NCALD: variants seen among roughly 807,000 people sequenced by gnomAD.
NCALD encodes neurocalcin-delta.
Under a neutral mutation model 18.6 loss-of-function variants are expected in NCALD, and 10 were observed. The observed-to-expected ratio is 0.54, with a 90% CI of 0.33 to 0.91. The LOEUF (loss-of-function observed/expected upper bound fraction) is 0.91, where lower values mean the gene tolerates loss of function less well. NCALD is among the 40% of genes least tolerant of loss of function. The pLI is 0.03. For missense variants in NCALD, 184 were observed against 247.6 expected (o/e 0.74, Z 1.72); for synonymous variants, 88 against 87.4 (o/e 1.01, Z -0.04).
At position 101,688,447 on chromosome 8, in the gene NCALD, T is replaced by C; in HGVS notation, c.*862A>G. The C allele has an allele frequency of 3.4e-6, 1 of 291,982 alleles. No individual in the cohort carries two copies. Among genetic ancestry groups the C allele is most frequent in the Non-Finnish European group, 6.8e-6 (1 of 146,190 alleles). 18.1% of individuals were successfully genotyped at this position (291,982 alleles called of 1,614,324 possible). On this transcript the variant is annotated 3_prime_UTR_variant, in exon 4 of 4. Coordinates refer to ENST00000220931, the MANE Select transcript of NCALD (RefSeq NM_032041.3). ...AGACAGACATTCATTATAGTTGTCT[T>C]ACTTCACAATAAGCTACTAAAAACA...
At chr8:101,760,802 A>G (rs1281469073) in intron 1 of NCALD, among the ~76,000 whole-genome samples, 1 of 152,220 alleles carries the variant, frequency 6.6e-6, no homozygotes, top group African/African-American at 2.4e-5. Context: ...ATATAATAAC[A>G]GCACCCCTTA....
At chr8:102,026,245 A>T (rs966802005) in intron 1 of NCALD, among the ~76,000 whole-genome samples, 17 of 152,202 alleles carry the variant, frequency 1.1e-4, no homozygotes, top group Admixed American at 6.5e-4. Flanking sequence ...CAAAAGTCTC[A>T]ATTCATTCTA....
intron 3 of NCALD, chr8:101,690,196 G>A (rs1170987006): frequency 1.0e-6 from 1 of 972,810 alleles, no homozygotes; most frequent in Non-Finnish European, 1.2e-6. Context: ...CTTGTGGAGA[G>A]GAGGGGAGGG....
At chr8:102,024,576 C>T (rs1822389564) in intron 1 of NCALD, among the ~76,000 whole-genome samples, 2 of 152,140 alleles carry the variant, frequency 1.3e-5, no homozygotes. Flanking sequence ...ATCACATAGC[C>T]AGGAGCCTGA....
At chr8:101,893,006 C>T (rs1816974642) in intron 3 of NCALD, among the ~76,000 whole-genome samples, 1 of 148,844 alleles carries the variant, frequency 6.7e-6, no homozygotes, top group Non-Finnish European at 1.5e-5. Flanking sequence ...TCAGGAAATA[C>T]AGAGAACGCC....
rs1160344263 is a variant in NCALD at position 101,687,788 on chromosome 8, A to G, written c.*1521T>C. On this transcript the variant is annotated 3_prime_UTR_variant, in exon 4 of 4. Coordinates refer to ENST00000220931, the MANE Select transcript of NCALD (RefSeq NM_032041.3). ...GCAAGAGTATGACTCGCCTGTAACC[A>G]GCAAATTTTTACTCTTAGCTTTCAA... is the stretch of plus-strand genomic sequence containing the variant. The G allele has an allele frequency of 1.3e-5, 2 of 152,220 alleles. No homozygotes were observed. Among genetic ancestry groups the G allele is most frequent in the African/African-American group, 4.8e-5 (2 of 41,458 alleles). 9.4% of individuals were successfully genotyped at this position (152,220 alleles called of 1,614,324 possible).
intron 2 of NCALD, among the ~76,000 whole-genome samples, chr8:101,950,897 C>G (rs1276037130): frequency 6.6e-6 from 1 of 152,174 alleles, no homozygotes; most frequent in African/African-American, 2.4e-5. Flanking sequence ...GTTATTTGTT[C>G]CACAGCAGAG....
chr8:101,899,643 T>C (rs1213221566), intron 3 of NCALD, among the ~76,000 whole-genome samples: 1 of 151,936 alleles, frequency 6.6e-6, no homozygotes. Flanking sequence ...AGTATGATTG[T>C]GATTTTTTCT....
At chr8:101,765,252 A>G (rs1378993735) in intron 1 of NCALD, among the ~76,000 whole-genome samples, 1 of 152,214 alleles carries the variant, frequency 6.6e-6, no homozygotes, top group African/African-American at 2.4e-5. Context: ...GGGAGTGAAA[A>G]GAAGTCCTGT....
chr8:101,922,655 T>C (rs1818207561), intron 2 of NCALD, among the ~76,000 whole-genome samples: 7 of 152,222 alleles, frequency 4.6e-5, no homozygotes, highest in Admixed American at 4.6e-4. Context: ...TGTTGAAACG[T>C]AGTATCTCCA....
At chr8:101,880,842 C>T (rs1816465350) in intron 4 of NCALD, among the ~76,000 whole-genome samples, 1 of 152,138 alleles carries the variant, frequency 6.6e-6, no homozygotes, top group Non-Finnish European at 1.5e-5. Context: ...CCACCTCCTT[C>T]ATTATGGCTG....
At chr8:101,701,159 C>A (rs1338332356) in intron 2 of NCALD, among the ~76,000 whole-genome samples, 1 of 152,124 alleles carries the variant, frequency 6.6e-6, no homozygotes, top group Non-Finnish European at 1.5e-5. Context: ...TTGCTCCCTT[C>A]CCACGGCATC....
At chr8:101,772,163 C>A (rs2130901616) in intron 1 of NCALD, among the ~76,000 whole-genome samples, 1 of 152,294 alleles carries the variant, frequency 6.6e-6, no homozygotes, top group South Asian at 2.1e-4. Flanking sequence ...AAGAAGGGTC[C>A]CATGGTCAAA....
intron 1 of NCALD, among the ~76,000 whole-genome samples, chr8:102,053,717 A>G (rs10282780): frequency 0.14 from 21,398 of 152,230 alleles, 1,787 homozygotes; most frequent in Non-Finnish European, 0.19. Context: ...TAGGATTTCA[A>G]TGGCCTCTCA....
intron 2 of NCALD, among the ~76,000 whole-genome samples, chr8:101,699,981 C>A (rs1815179736): frequency 6.6e-6 from 1 of 152,092 alleles, no homozygotes; most frequent in African/African-American, 2.4e-5. Flanking sequence ...CCACTATGAG[C>A]TAAGCAGTGG....
chr8:102,024,845 C>T (rs112725601), intron 1 of NCALD, among the ~76,000 whole-genome samples: 27 of 152,288 alleles, frequency 1.8e-4, no homozygotes, highest in African/African-American at 6.3e-4. Context: ...TTCAGTGGCT[C>T]CCTGCTGCTT....
At chr8:102,070,278 A>C (rs1217739217) in intron 1 of NCALD, among the ~76,000 whole-genome samples, 1 of 152,196 alleles carries the variant, frequency 6.6e-6, no homozygotes, top group Non-Finnish European at 1.5e-5. Flanking sequence ...TTTAATGTCA[A>C]TATGTAAATA....
chr8:101,747,606 A>G (rs1161994840), intron 1 of NCALD, among the ~76,000 whole-genome samples: 1 of 152,190 alleles, frequency 6.6e-6, no homozygotes, highest in Non-Finnish European at 1.5e-5. Flanking sequence ...ACCTGGAAGC[A>G]TCCCAACTGG....
chr8:101,686,725 A>G lies in NCALD; in HGVS notation c.*2584T>C, dbSNP rs528010245. 1 of 152,602 alleles carries G rather than the reference A, an allele frequency of 6.6e-6. No homozygotes were observed. Among genetic ancestry groups the G allele is most frequent in the Admixed American group, 6.5e-5 (1 of 15,278 alleles). 9.5% of individuals were successfully genotyped at this position (152,602 alleles called of 1,614,324 possible). ...CTGAATGATGTATGAACAGTTGAGCACTCTGTAGAATCCTTCAGGTCGTAA... is the reference window on the plus strand; with the variant it reads ...CTGAATGATGTATGAACAGTTGAGCGCTCTGTAGAATCCTTCAGGTCGTAA... On this transcript the variant is annotated 3_prime_UTR_variant, in exon 4 of 4. Coordinates refer to ENST00000220931, the MANE Select transcript of NCALD (RefSeq NM_032041.3).
Sources: gnomAD v4.1 joint callset for allele counts (sites outside exome capture counted in the v4.1 genomes callset) on GRCh38, gnomAD v4.1.1 for gene constraint, MANE v1.5 for transcripts, NCBI Gene and HGNC (gene_info 2026-07-23, HGNC 2026-07-21) for gene names.